The following TUSC3 variants were observed in gnomAD, a reference collection of about 807,000 sequenced individuals.
The protein encoded by TUSC3 is dolichyl-diphosphooligosaccharide--protein glycosyltransferase subunit TUSC3.
A neutral mutation model predicts 44.8 loss-of-function variants in TUSC3; 45 were observed. That is an observed-to-expected ratio of 1.00 (90% CI 0.79 to 1.29). TUSC3 has a LOEUF of 1.29. TUSC3 is among the 50% of genes most tolerant of loss of function. The pLI, the probability that TUSC3 is intolerant of heterozygous loss-of-function variation, is 0.00. For synonymous variants in TUSC3, 212 were observed against 152.9 expected, an observed-to-expected ratio of 1.39 and a Z score of -2.85; for missense variants, 519 against 437.9, an observed-to-expected ratio of 1.19 and a Z score of -1.65.
the TUSC3 span, among the ~76,000 whole-genome samples, chr8:15,780,345 G>A: frequency 6.6e-6 from 1 of 152,028 alleles, no homozygotes; most frequent in Non-Finnish European, 1.5e-5. Context: ...GGAGAGTTTG[G>A]GCCACACATA....
intron 1 of TUSC3, among the ~76,000 whole-genome samples, chr8:15,544,699 T>C (rs1483481227): frequency 1.3e-5 from 2 of 151,776 alleles, no homozygotes; most frequent in Non-Finnish European, 2.9e-5. Flanking sequence ...AGGTAAGCAA[T>C]GGATGTTACC....
At chr8:15,814,122 A>G in the TUSC3 span, among the ~76,000 whole-genome samples, 11 of 152,302 alleles carry the variant, frequency 7.2e-5, no homozygotes, top group African/African-American at 2.6e-4. Flanking sequence ...CATTGTTGTG[A>G]CATAGTCTCA....
intron 1 of TUSC3, among the ~76,000 whole-genome samples, chr8:15,443,252 C>T (rs910548658): frequency 6.6e-6 from 1 of 151,854 alleles, no homozygotes; most frequent in African/African-American, 2.4e-5. Flanking sequence ...CAGCTCACTG[C>T]AGTCTCGAGC....
At chr8:15,751,702 A>C (rs989813111) in intron 9 of TUSC3, among the ~76,000 whole-genome samples, 2 of 152,196 alleles carry the variant, frequency 1.3e-5, no homozygotes, top group Admixed American at 6.5e-5. Context: ...ATAAAAGTTA[A>C]CACCACCAAA....
At chr8:15,625,083 A>G (rs1234157073) in intron 2 of TUSC3, among the ~76,000 whole-genome samples, 1 of 152,126 alleles carries the variant, frequency 6.6e-6, no homozygotes, top group Non-Finnish European at 1.5e-5. Context: ...TGCTGCATTA[A>G]AAAAATTTTT....
chr8:15,661,753 G>T (rs1162876575), intron 4 of TUSC3, among the ~76,000 whole-genome samples: 1 of 151,804 alleles, frequency 6.6e-6, no homozygotes, highest in Admixed American at 6.6e-5. Context: ...CAGAATGGGG[G>T]AAAATATTTG....
chr8:15,843,298 T>A, the TUSC3 span, among the ~76,000 whole-genome samples: 1 of 152,136 alleles, frequency 6.6e-6, no homozygotes, highest in African/African-American at 2.4e-5. Context: ...ATAAAAGTTT[T>A]TGGGTCAGAT....
the TUSC3 span, among the ~76,000 whole-genome samples, chr8:15,822,290 T>G: frequency 2.0e-5 from 3 of 152,298 alleles, no homozygotes; most frequent in African/African-American, 7.2e-5. Flanking sequence ...TATAAAAATG[T>G]AGACTTCATA....
chr8:15,616,206 T>C (rs1018336115), intron 1 of TUSC3, among the ~76,000 whole-genome samples: 3 of 152,262 alleles, frequency 2.0e-5, no homozygotes, highest in African/African-American at 7.2e-5. Context: ...TAGGGACTAA[T>C]TTCTGTTTTA....
intron 9 of TUSC3, among the ~76,000 whole-genome samples, chr8:15,751,834 C>G (rs1484887423): frequency 2.0e-5 from 3 of 152,130 alleles, no homozygotes; most frequent in South Asian, 2.1e-4. Context: ...ACACCATGCA[C>G]AGCTGAGTCA....
At chr8:15,798,760 T>C in the TUSC3 span, among the ~76,000 whole-genome samples, 1 of 152,150 alleles carries the variant, frequency 6.6e-6, no homozygotes, top group Non-Finnish European at 1.5e-5. Context: ...AAGGCTTGAC[T>C]GGCTCTTACA....
chr8:15,504,619 ATATTTTT>A (rs1249000641), intron 2 of TUSC3, among the ~76,000 whole-genome samples: 6 of 16,386 alleles, frequency 3.7e-4, no homozygotes, highest in African/African-American at 1.8e-3. Flanking sequence ...ATATATATAT[ATATTTTT>A]TTTTTTTTTT....
intron 5 of TUSC3, among the ~76,000 whole-genome samples, chr8:15,673,181 A>G (rs1808025475): frequency 6.6e-6 from 1 of 152,086 alleles, no homozygotes. Context: ...CAGCAGGTAT[A>G]TAATCTTTGC....
At chr8:15,497,171 A>C (rs1800893540) in intron 2 of TUSC3, among the ~76,000 whole-genome samples, 1 of 152,190 alleles carries the variant, frequency 6.6e-6, no homozygotes, top group East Asian at 1.9e-4. Context: ...TATTCTTGGT[A>C]AGCATCTCTG....
chr8:15,826,122 A>T, the TUSC3 span, among the ~76,000 whole-genome samples: 1 of 152,076 alleles, frequency 6.6e-6, no homozygotes, highest in African/African-American at 2.4e-5. Flanking sequence ...CATAAATATG[A>T]TGCATGATTC....
At chr8:15,577,983 AT>A (rs1464823187) in intron 1 of TUSC3, among the ~76,000 whole-genome samples, 2 of 149,024 alleles carry the variant, frequency 1.3e-5, no homozygotes, top group Admixed American at 6.7e-5. Flanking sequence ...ATCCTCTTTT[AT>A]TTCCTTGAGC....
At chr8:15,650,849 A>T (rs1179229809) in intron 3 of TUSC3, 35 bp downstream of exon 3, 2 of 1,585,142 alleles carry the variant, frequency 1.3e-6, no homozygotes, top group Non-Finnish European at 1.7e-6. Context: ...TATTTAACAT[A>T]GTTGTTTGTG....
At chr8:15,464,619 T>C (rs1349021275) in intron 1 of TUSC3, among the ~76,000 whole-genome samples, 1 of 152,236 alleles carries the variant, frequency 6.6e-6, no homozygotes, top group Non-Finnish European at 1.5e-5. Context: ...AACTTTAAGT[T>C]ACCTCAGTAT....
At chr8:15,689,226 C>CT in intron 6 of TUSC3, 1 of 350,834 alleles carries the variant, frequency 2.9e-6, no homozygotes, top group Non-Finnish European at 5.6e-6. Flanking sequence ...TTCTTTGCAT[C>CT]TGCATATATT....
Sources: gnomAD v4.1 joint callset for allele counts (sites outside exome capture counted in the v4.1 genomes callset) on GRCh38, gnomAD v4.1.1 for gene constraint, MANE v1.5 for transcripts, NCBI Gene and HGNC (gene_info 2026-07-23, HGNC 2026-07-21) for gene names.